Variants in STAB2 observed in about 807,000 individuals in gnomAD.
The protein encoded by STAB2 is stabilin 2, also known as stabilin-2.
A neutral mutation model predicts 338.1 loss-of-function variants in STAB2; 288 were observed. The ratio of observed to expected loss-of-function variants is 0.85; its 90% CI spans 0.77 to 0.94. STAB2 has a LOEUF of 0.94. Ranked by LOEUF, STAB2 falls within the 40% of genes least tolerant of loss-of-function variation. The probability of loss-of-function intolerance (pLI) is 0.00; values close to 1 mark genes in which losing one functional copy is unlikely to be tolerated. For synonymous variants in STAB2, 1,202 were observed against 1,193.3 expected (o/e 1.01, Z -0.15); for missense variants, 3,141 against 3,210.1 (o/e 0.98, Z 0.52).
chr12:103,744,396 C>T (rs1162367644), intron 56 of STAB2, among the ~76,000 whole-genome samples: 3 of 152,000 alleles, frequency 2.0e-5, no homozygotes, highest in Non-Finnish European at 1.5e-5. Flanking sequence ...AAGCAATCCT[C>T]CTGCTTCAGC....
rs1169985011 is a variant in STAB2 at position 103,667,588 on chromosome 12, G to GT, written c.2086-1055_2086-1054insT. Among the ~76,000 whole-genome samples, 8 of 152,300 alleles carry GT rather than the reference G, an allele frequency of 5.3e-5. No individual in the cohort carries two copies. In the East Asian group the frequency reaches 1.2e-3, roughly 22 times the overall value. On this transcript the variant is annotated intron_variant, in intron 19 of 68. Coordinates refer to ENST00000388887, the MANE Select transcript of STAB2 (RefSeq NM_017564.10). ...TTAGACACATGGGTAGGAGCCAAAAGAAGCCCTCAAATCACCCATCCCGGG... is the reference window on the plus strand; with the variant it reads ...TTAGACACATGGGTAGGAGCCAAAAGTAAGCCCTCAAATCACCCATCCCGGG...
chr12:103,622,744 C>T (rs1957321659), intron 5 of STAB2, among the ~76,000 whole-genome samples: 2 of 152,198 alleles, frequency 1.3e-5, no homozygotes, highest in Non-Finnish European at 2.9e-5. Flanking sequence ...CATGTGCAGT[C>T]AGCTACTCCC....
At position 103,725,041 on chromosome 12, in the gene STAB2, T is replaced by A. The variant is rs1308380970; in HGVS notation, c.4750T>A (p.Cys1584Ser). The A allele has an allele frequency of 4.3e-6, 7 of 1,613,882 alleles. No homozygotes were observed. The highest frequency in any genetic ancestry group is 5.9e-6 in the Non-Finnish European group (7 of 1,179,858). The change falls in exon 45 of 69, where the codon TGC becomes AGC. Residue 1584 changes from cysteine to serine, a missense_variant. Cys to Ser is a moderately radical substitution (Grantham distance 112). Coordinates refer to ENST00000388887, the MANE Select transcript of STAB2 (RefSeq NM_017564.10). Reference protein sequence around the residue: ...HTGQVERTCTCKPNYIGDGFT... With the variant: ...HTGQVERTCTSKPNYIGDGFT... ...TGGGCAAGTAGAAAGGACTTGTACTTGCAAGCCAAACTACATTGGAGATGG... is the reference window on the plus strand; with the variant it reads ...TGGGCAAGTAGAAAGGACTTGTACTAGCAAGCCAAACTACATTGGAGATGG...
At chr12:103,665,127 T>C (rs948563056) in intron 18 of STAB2, among the ~76,000 whole-genome samples, 4 of 152,222 alleles carry the variant, frequency 2.6e-5, no homozygotes, top group African/African-American at 9.7e-5. Flanking sequence ...TTTCTCTAGG[T>C]TTAAAGTCAA....
chr12:103,699,284 G>A (rs1282276968), intron 34 of STAB2, 57 bp downstream of exon 34: 2 of 1,561,078 alleles, frequency 1.3e-6, no homozygotes, highest in African/African-American at 2.7e-5. Flanking sequence ...ATCAGGGAGA[G>A]TATGAGGAAT....
rs148355566 is a variant in STAB2, at chr12:103,636,936, A to G, written c.584-175A>G. 5.3e-3 allele frequency among the ~76,000 whole-genome samples: 813 copies of G among 152,346 alleles called. 4 individuals carry two copies. Among genetic ancestry groups the G allele is most frequent in the African/African-American group, 0.018 (769 of 41,586 alleles). On this transcript the variant is annotated intron_variant, in intron 6 of 68. Transcript: ENST00000388887. ...TTAATATATTTTATTGATTGATGAT[A>G]TCGGTAAATTTGGGAGACTAAGAAG... is the stretch of plus-strand genomic sequence containing the variant.
intron 67 of STAB2, 84 bp from the exon 68 acceptor site, chr12:103,763,408 G>A (rs201931855): frequency 4.5e-6 from 5 of 1,107,216 alleles, no homozygotes; most frequent in Non-Finnish European, 5.4e-6. Context: ...AGAGGCAAAG[G>A]GTGGCTTGCT....
chr12:103,715,655 C>A (rs1011443057), intron 42 of STAB2, among the ~76,000 whole-genome samples, 160 bp from the exon 43 acceptor site: 2 of 152,192 alleles, frequency 1.3e-5, no homozygotes, highest in Non-Finnish European at 1.5e-5. Context: ...CAGTACCCTC[C>A]TAGTTCAGTT....
chr12:103,618,112 A>G (rs1434081942), intron 3 of STAB2, among the ~76,000 whole-genome samples: 9 of 152,182 alleles, frequency 5.9e-5, no homozygotes, highest in Non-Finnish European at 7.3e-5. Context: ...CTCTTTCTTC[A>G]AGAACTGCTG....
At chr12:103,758,984 C>T in intron 64 of STAB2, 149 bp from the exon 65 acceptor site, 1 of 1,348,912 alleles carries the variant, frequency 7.4e-7, no homozygotes, top group South Asian at 1.2e-5. Flanking sequence ...AACCAGAAGC[C>T]TAAGAAAACC....
rs113883286 is a variant in STAB2, at chr12:103,739,807, A to G, written c.5754+339A>G. Among the ~76,000 whole-genome samples the G allele has an allele frequency of 5.6e-3, 849 of 152,252 alleles. 2 individuals carry two copies. The highest frequency in any genetic ancestry group is 0.019 in the African/African-American group (785 of 41,538). On this transcript the variant is annotated intron_variant, in intron 54 of 68. Coordinates refer to ENST00000388887, the MANE Select transcript of STAB2 (RefSeq NM_017564.10). ...CCCAGGCTCTGTGCTGAGCCTTTAT[A>G]TACTCATTACTCTATCCCTCTTTAT...
chr12:103,639,255 G>A (rs949292216), intron 8 of STAB2, among the ~76,000 whole-genome samples: 18 of 152,140 alleles, frequency 1.2e-4, no homozygotes, highest in African/African-American at 3.6e-4. Context: ...GAAGCAGCAC[G>A]TGCATGATTC....
In STAB2 at chr12:103,594,411, A is replaced by G. The variant is rs763348372; in HGVS notation, c.232A>G (p.Arg78Gly). ...CCCTCCAAGGTACACCTTTGAGGTC[A>G]GAACATACTCTCTGTCTCTCCCCGG... ...VRDCRYTFEV[R>G]TYSLSLPGCR... The change falls in exon 3 of 69, where the codon AGA becomes GGA. Residue 78 changes from arginine (R) to glycine (G), a missense_variant. Physicochemically the swap from Arg to Gly is moderately radical, Grantham distance 125. Coordinates refer to ENST00000388887, the MANE Select transcript of STAB2 (RefSeq NM_017564.10). 4 of 1,613,862 alleles carry G rather than the reference A, an allele frequency of 2.5e-6. No individual in the cohort carries two copies. The highest frequency in any genetic ancestry group is 3.4e-6 in the Non-Finnish European group (4 of 1,179,800).
At chr12:103,705,846 A>C (rs1042734415) in intron 37 of STAB2, 119 bp downstream of exon 37, 2 of 890,540 alleles carry the variant, frequency 2.2e-6, no homozygotes, top group Non-Finnish European at 3.6e-6. Context: ...CTTCCTTGTT[A>C]CCTGCATTAT....
chr12:103,722,758 A>T (rs1442848111), intron 44 of STAB2, among the ~76,000 whole-genome samples: 1 of 152,098 alleles, frequency 6.6e-6, no homozygotes, highest in African/African-American at 2.4e-5. Flanking sequence ...TTTTTTCAAG[A>T]TGAGTAATAT....
At position 103,695,724 on chromosome 12, in the gene STAB2, C is replaced by G. The variant is rs1299968538; in HGVS notation, c.3475-13C>G. 15 of 1,614,056 alleles carry G rather than the reference C, an allele frequency of 9.3e-6. No individual in the cohort carries two copies. The highest frequency in any genetic ancestry group is 1.0e-5 in the Non-Finnish European group (12 of 1,180,016). On this transcript the variant is annotated splice_polypyrimidine_tract_variant and intron_variant, in intron 32 of 68. Coordinates refer to ENST00000388887, the MANE Select transcript of STAB2 (RefSeq NM_017564.10). ...AGGAATCCCTCATGCACTCTTGTCT[C>G]TTTCCATCGCAGCAATATAATCTGG...
intron 2 of STAB2, among the ~76,000 whole-genome samples, chr12:103,591,939 T>A (rs1234035805): frequency 6.6e-6 from 1 of 152,028 alleles, no homozygotes. Context: ...TAATTCCGGA[T>A]GGAAGGATTT....
At chr12:103,757,882 T>G in intron 63 of STAB2, 1 of 417,462 alleles carries the variant, frequency 2.4e-6, no homozygotes, top group South Asian at 2.7e-5. Flanking sequence ...CACTGCAGGA[T>G]TTTGAGAAGA....
Position 103,652,454 on chromosome 12 carries a change from G to A in STAB2, c.1258-102G>A, listed in dbSNP as rs117062507. On this transcript the variant is annotated intron_variant, in intron 11 of 68. Coordinates refer to ENST00000388887, the MANE Select transcript of STAB2 (RefSeq NM_017564.10). ...TGCAAAAGCCCAAACCCAAGTTAGG[G>A]TGCCCTGGCTTTGATGTCTTTGATA... 2.3e-3 allele frequency: 2,616 copies of A among 1,117,506 alleles called. 5 individuals are homozygous for A. The highest frequency in any genetic ancestry group is 2.9e-3 in the Non-Finnish European group (2,380 of 815,432). 69.2% of individuals were successfully genotyped at this position (1,117,506 alleles called of 1,614,324 possible).
Sources: allele counts gnomAD v4.1 joint callset (sites outside exome capture counted in the v4.1 genomes callset), GRCh38; gene constraint gnomAD v4.1.1; transcripts MANE v1.5; gene names NCBI Gene and HGNC (gene_info 2026-07-23, HGNC 2026-07-21).